Variants in BACH2 observed in about 807,000 individuals in gnomAD.
The protein encoded by BACH2 is BACH transcriptional regulator 2.
In BACH2, 5 loss-of-function variants were observed where a neutral mutation model predicts 61.8. The observed-to-expected ratio is 0.08, with a 90% confidence interval of 0.04 to 0.17. The LOEUF (loss-of-function observed/expected upper bound fraction) is 0.17, where lower values mean the gene tolerates loss of function less well. BACH2 is among the 10% of genes least tolerant of loss of function. The pLI is 1.00. For missense variants in BACH2, 824 were observed against 1,091.1 expected, an observed-to-expected ratio of 0.76 and a Z score of 3.45; for synonymous variants, 446 against 440.1, an observed-to-expected ratio of 1.01 and a Z score of -0.17.
intron 5 of BACH2, among the ~76,000 whole-genome samples, chr6:90,084,965 T>C (rs533318978): frequency 4.5e-4 from 68 of 152,228 alleles, no homozygotes; most frequent in Non-Finnish European, 1.3e-4. Context: ...GAATAAAGTA[T>C]GGCTACTGGG....
chr6:90,136,897 A>G (rs1784289117), intron 4 of BACH2, among the ~76,000 whole-genome samples: 2 of 151,834 alleles, frequency 1.3e-5, no homozygotes, highest in South Asian at 4.2e-4. Context: ...TTAGCATGTG[A>G]GAAAGACTTG....
chr6:89,975,960 G>A (rs567592796), intron 6 of BACH2, among the ~76,000 whole-genome samples: 5 of 152,264 alleles, frequency 3.3e-5, no homozygotes, highest in African/African-American at 1.2e-4. Flanking sequence ...CTGTGTCAGC[G>A]ACAGACACAC....
At chr6:90,015,805 T>C (rs963911523) in intron 5 of BACH2, among the ~76,000 whole-genome samples, 3 of 152,202 alleles carry the variant, frequency 2.0e-5, no homozygotes, top group Non-Finnish European at 4.4e-5. Context: ...GTTCAAGTCT[T>C]CTAATATCTT....
At chr6:90,240,793 G>A (rs1289774085) in intron 3 of BACH2, among the ~76,000 whole-genome samples, 3 of 152,004 alleles carry the variant, frequency 2.0e-5, no homozygotes, top group Non-Finnish European at 4.4e-5. Flanking sequence ...AACATCTGCA[G>A]GCCACAAGAC....
intron 8 of BACH2, among the ~76,000 whole-genome samples, chr6:89,937,259 G>A (rs1420708533): frequency 6.6e-6 from 1 of 152,148 alleles, no homozygotes; most frequent in Non-Finnish European, 1.5e-5. Flanking sequence ...CCCCTCTGCA[G>A]GTAGGCGTCC....
chr6:89,955,386 A>G (rs1584527560), intron 6 of BACH2, among the ~76,000 whole-genome samples: 1 of 152,226 alleles, frequency 6.6e-6, no homozygotes, highest in Non-Finnish European at 1.5e-5. Flanking sequence ...AGATTATATG[A>G]GTAGTTGTCA....
At chr6:90,248,459 T>C (rs1325657508) in intron 3 of BACH2, among the ~76,000 whole-genome samples, 1 of 152,116 alleles carries the variant, frequency 6.6e-6, no homozygotes, top group Non-Finnish European at 1.5e-5. Flanking sequence ...AACAAATGTA[T>C]GGCCAAATAT....
chr6:90,008,006 C>A lies in BACH2; in HGVS notation c.243+596G>T, dbSNP rs1777506614. 1 of 153,944 alleles carries A rather than the reference C, an allele frequency of 6.5e-6. No homozygotes were observed. The highest frequency in any genetic ancestry group is 2.4e-5 in the African/African-American group (1 of 41,442). The allele number at this position is 153,944 out of a possible 1,614,324, so 9.5% of individuals were successfully genotyped here. On this transcript the variant is annotated intron_variant, in intron 6 of 8. Transcript: ENST00000257749. The surrounding 1 kb of genome is among the most constrained non-coding windows in gnomAD (Gnocchi z 4.1). ...CAACTTAAACCATCCAATTAAATGT[C>A]ATCTCTGGACAGACCAGGTCCAGCT...
intron 3 of BACH2, among the ~76,000 whole-genome samples, chr6:90,238,177 C>T (rs750343704): frequency 3.5e-4 from 54 of 152,340 alleles, no homozygotes; most frequent in South Asian, 6.2e-4. Context: ...ATAATAGTCT[C>T]ATAACCCCAT....
intron 4 of BACH2, among the ~76,000 whole-genome samples, chr6:90,190,146 T>C (rs1208238119): frequency 2.0e-5 from 3 of 152,224 alleles, no homozygotes; most frequent in Non-Finnish European, 2.9e-5. Flanking sequence ...GGTTTCACTA[T>C]GTTGGCCAAA....
intron 5 of BACH2, among the ~76,000 whole-genome samples, chr6:90,031,993 G>C (rs1411159689): frequency 6.6e-6 from 1 of 152,140 alleles, no homozygotes. Flanking sequence ...GCATGGTACT[G>C]GTACCAAGAC....
intron 4 of BACH2, among the ~76,000 whole-genome samples, chr6:90,195,236 T>G (rs953078947): frequency 5.3e-5 from 8 of 152,178 alleles, no homozygotes; most frequent in African/African-American, 1.9e-4. Context: ...GTCTCTTTGT[T>G]GTGAATGTCA....
At chr6:90,115,250 C>G (rs946764149) in intron 4 of BACH2, among the ~76,000 whole-genome samples, 3 of 152,250 alleles carry the variant, frequency 2.0e-5, no homozygotes, top group Non-Finnish European at 4.4e-5. Context: ...CCTGAGGAAT[C>G]ACGTTACCTG....
chr6:90,004,966 T>C (rs1194364062), intron 6 of BACH2, among the ~76,000 whole-genome samples: 1 of 152,226 alleles, frequency 6.6e-6, no homozygotes, highest in African/African-American at 2.4e-5. Flanking sequence ...ATCCTAGGGA[T>C]TGCCATTTGT....
intron 4 of BACH2, among the ~76,000 whole-genome samples, chr6:90,199,681 T>C (rs1345937778): frequency 6.6e-6 from 1 of 152,196 alleles, no homozygotes; most frequent in Non-Finnish European, 1.5e-5. Context: ...AACATTTCCA[T>C]GCACCTCACA....
chr6:90,280,858 G>A (rs1224689980), intron 1 of BACH2, among the ~76,000 whole-genome samples: 1 of 152,142 alleles, frequency 6.6e-6, no homozygotes, highest in South Asian at 2.1e-4. Context: ...GTATATTACA[G>A]AGAGGGAAGC....
At chr6:89,946,654 G>A (rs72624543) in intron 7 of BACH2, among the ~76,000 whole-genome samples, 3,699 of 152,248 alleles carry the variant, frequency 0.024, 207 homozygotes, top group East Asian at 0.2. Flanking sequence ...CTACAGCCAC[G>A]TGCATGGTAG....
chr6:90,290,044 C>T (rs1004287614), intron 1 of BACH2, among the ~76,000 whole-genome samples: 3 of 152,178 alleles, frequency 2.0e-5, no homozygotes, highest in Non-Finnish European at 4.4e-5. Flanking sequence ...GTAAATAAAT[C>T]AATTCTGGAC....
chr6:90,112,270 CA>C (rs1435215670), intron 4 of BACH2, among the ~76,000 whole-genome samples: 20 of 151,982 alleles, frequency 1.3e-4, no homozygotes, highest in Non-Finnish European at 1.3e-4. Context: ...AGATTGTACA[CA>C]AAAAGATCAT....
Sources: allele counts gnomAD v4.1 joint callset (sites outside exome capture counted in the v4.1 genomes callset), GRCh38; gene constraint gnomAD v4.1.1; non-coding constraint Gnocchi (gnomAD v3.1); transcripts MANE v1.5; gene names NCBI Gene and HGNC (gene_info 2026-07-23, HGNC 2026-07-21).